The following TMEM132C variants were observed in gnomAD, a reference collection of about 807,000 sequenced individuals.
The protein encoded by TMEM132C is transmembrane protein 132C, also known as protein phosphatase 1, regulatory subunit 152.
A neutral mutation model predicts 61.4 loss-of-function variants in TMEM132C; 29 were observed. That is an observed-to-expected ratio of 0.47 (90% confidence interval 0.35 to 0.64). The LOEUF (loss-of-function observed/expected upper bound fraction) is 0.64. TMEM132C is among the 30% of genes least tolerant of loss of function. The probability of loss-of-function intolerance (pLI) is 0.00; values close to 1 mark genes in which losing one functional copy is unlikely to be tolerated. For synonymous variants in TMEM132C, 656 were observed against 633.1 expected (o/e 1.04, Z -0.54); for missense variants, 1,408 against 1,476.9 (o/e 0.95, Z 0.76).
At chr12:128,478,377 A>G (rs750527477) in intron 2 of TMEM132C, among the ~76,000 whole-genome samples, 21 of 152,120 alleles carry the variant, frequency 1.4e-4, no homozygotes, top group Admixed American at 2.6e-4. Context: ...GCTCACTTCC[A>G]CCTCTTAACA....
At chr12:128,690,636 T>C (rs2135649689) in intron 5 of TMEM132C, among the ~76,000 whole-genome samples, 1 of 152,346 alleles carries the variant, frequency 6.6e-6, no homozygotes, top group East Asian at 1.9e-4. Flanking sequence ...TCGACTGTTG[T>C]GCTAATGCCT....
intron 1 of TMEM132C, among the ~76,000 whole-genome samples, chr12:128,386,973 TA>T (rs1015641672): frequency 6.6e-6 from 1 of 151,370 alleles, no homozygotes; most frequent in Non-Finnish European, 1.5e-5. Context: ...CTACAAAAAA[TA>T]AAAATACATT....
At chr12:128,697,125 A>G in intron 7 of TMEM132C, 99 bp from the exon 8 acceptor site, 1 of 1,080,734 alleles carries the variant, frequency 9.3e-7, no homozygotes, top group Non-Finnish European at 1.3e-6. Flanking sequence ...TGTATTCTGG[A>G]CCTCAGGCCT....
At chr12:128,398,377 G>T (rs1875035608) in intron 1 of TMEM132C, among the ~76,000 whole-genome samples, 1 of 152,226 alleles carries the variant, frequency 6.6e-6, no homozygotes, top group Admixed American at 6.5e-5. Flanking sequence ...AATGGAGCTG[G>T]AGTGAGTTAC....
intron 4 of TMEM132C, among the ~76,000 whole-genome samples, chr12:128,647,332 A>C (rs1227598392): frequency 6.6e-6 from 1 of 151,602 alleles, no homozygotes; most frequent in Non-Finnish European, 1.5e-5. Context: ...ACTAGAGTCC[A>C]TCAGCGTTGG....
intron 1 of TMEM132C, among the ~76,000 whole-genome samples, chr12:128,340,934 CTCTCTCTCTCTT>C (rs761936239): frequency 0.046 from 6,735 of 146,828 alleles, 213 homozygotes; most frequent in African/African-American, 0.08. Context: ...CTCTCTCTCT[CTCTCTCTCTCTT>C]TCTTTCTTTC....
At chr12:128,312,898 A>G (rs2135928235) in intron 1 of TMEM132C, among the ~76,000 whole-genome samples, 1 of 152,354 alleles carries the variant, frequency 6.6e-6, no homozygotes, top group East Asian at 1.9e-4. Flanking sequence ...CCTCCCGCAC[A>G]TGGGCTCTGG....
intron 2 of TMEM132C, among the ~76,000 whole-genome samples, chr12:128,533,981 T>C (rs959057398): frequency 4.3e-5 from 5 of 116,072 alleles, no homozygotes; most frequent in Non-Finnish European, 2.0e-5. Flanking sequence ...ACACACACAC[T>C]CCTCATCATA....
At position 128,300,757 on chromosome 12, in the gene TMEM132C, C is replaced by G. The variant is rs147354544; in HGVS notation, c.85+33270C>G. 2.2e-3 allele frequency among the ~76,000 whole-genome samples: 331 copies of G among 152,312 alleles called. 2 individuals carry two copies. The highest frequency in any genetic ancestry group is 7.6e-3 in the African/African-American group (314 of 41,570). The stretch of plus-strand genomic sequence containing the variant: ...CGCCTATTAAAAACTCAGGCTCCAG[C>G]TGTGCATCGTGGCTCAATCCTGTAA... On this transcript the variant is annotated intron_variant, in intron 1 of 8. Coordinates refer to ENST00000435159, the MANE Select transcript of TMEM132C (RefSeq NM_001136103.3).
At chr12:128,596,175 G>A (rs1468802822) in intron 3 of TMEM132C, among the ~76,000 whole-genome samples, 4 of 151,576 alleles carry the variant, frequency 2.6e-5, no homozygotes, top group Non-Finnish European at 5.9e-5. Flanking sequence ...CGGCTTGACT[G>A]ATCCCGTGTT....
intron 1 of TMEM132C, among the ~76,000 whole-genome samples, chr12:128,340,916 T>TTCTC (rs71989914): frequency 1.8e-3 from 228 of 128,336 alleles, no homozygotes; most frequent in South Asian, 4.7e-3. Context: ...CTCTCTCTCT[T>TTCTC]TCTCTCTCTC....
chr12:128,306,150 C>T (rs1185645763), intron 1 of TMEM132C, among the ~76,000 whole-genome samples: 1 of 151,314 alleles, frequency 6.6e-6, no homozygotes. Flanking sequence ...CAGGTTGAAA[C>T]ATTTAGATGT....
At chr12:128,312,608 G>A (rs1215105019) in intron 1 of TMEM132C, among the ~76,000 whole-genome samples, 2 of 152,144 alleles carry the variant, frequency 1.3e-5, no homozygotes, top group African/African-American at 2.4e-5. Flanking sequence ...GGCAGACATT[G>A]GAGGGACACA....
At chr12:128,625,259 T>C (rs982166949) in intron 4 of TMEM132C, among the ~76,000 whole-genome samples, 3 of 152,242 alleles carry the variant, frequency 2.0e-5, no homozygotes, top group Admixed American at 2.0e-4. Flanking sequence ...GGACATTTAC[T>C]GCTTACAGTT....
At position 128,705,902 on chromosome 12, in the gene TMEM132C, C is replaced by A. The variant is rs563849613; in HGVS notation, c.2934C>A (p.Ala978=). ...ACTGGGTGTGGCTTGGCAATGAGGC[C>A]GAACTCCTGGAGAGCATGGGGGATG... The part of the protein sequence containing the change: ...SHDWVWLGNE[A]ELLESMGDAP... The change falls in exon 9 of 9, where the codon GCC becomes GCA. Residue 978 remains alanine (A), a synonymous_variant. Coordinates refer to ENST00000435159, the MANE Select transcript of TMEM132C (RefSeq NM_001136103.3). 1.3e-6 allele frequency: 2 copies of A among 1,551,378 alleles called. No homozygotes were observed. Among genetic ancestry groups the A allele is most frequent in the East Asian group, 4.9e-5 (2 of 40,902 alleles).
At chr12:128,273,316 A>T (rs991714427) in intron 1 of TMEM132C, among the ~76,000 whole-genome samples, 1 of 152,006 alleles carries the variant, frequency 6.6e-6, no homozygotes. Context: ...TCTTAGAAAT[A>T]TTTCTTGTTC....
intron 1 of TMEM132C, among the ~76,000 whole-genome samples, chr12:128,352,237 C>A (rs941266280): frequency 2.0e-5 from 3 of 152,128 alleles, no homozygotes; most frequent in Non-Finnish European, 4.4e-5. Flanking sequence ...AGGCCTCAGG[C>A]AACTTACAAT....
At chr12:128,474,643 T>A (rs1871097047) in intron 2 of TMEM132C, among the ~76,000 whole-genome samples, 1 of 152,210 alleles carries the variant, frequency 6.6e-6, no homozygotes, top group Non-Finnish European at 1.5e-5. Flanking sequence ...GATGAGAACG[T>A]TCATTGAAGT....
At chr12:128,383,341 G>A (rs531872540) in intron 1 of TMEM132C, among the ~76,000 whole-genome samples, 22 of 152,152 alleles carry the variant, frequency 1.4e-4, no homozygotes, top group African/African-American at 2.7e-4. Flanking sequence ...ATGGCCAACC[G>A]CCCGTTGGCC....
Sources: gnomAD v4.1 joint callset for allele counts (sites outside exome capture counted in the v4.1 genomes callset) on GRCh38, gnomAD v4.1.1 for gene constraint, MANE v1.5 for transcripts, NCBI Gene and HGNC (gene_info 2026-07-23, HGNC 2026-07-21) for gene names.